The following HEATR5B variants were observed in gnomAD, a reference collection of about 807,000 sequenced individuals.
HEATR5B encodes HEAT repeat containing 5B.
In HEATR5B, 156 loss-of-function variants were observed where a neutral mutation model predicts 224.1. The ratio of observed to expected loss-of-function variants is 0.70; its 90% CI spans 0.61 to 0.80. The LOEUF (loss-of-function observed/expected upper bound fraction) is 0.80, where lower values mean the gene tolerates loss of function less well. HEATR5B is among the 30% of genes least tolerant of loss of function. The pLI is 0.00. For missense variants in HEATR5B, 2,323 were observed against 2,535.5 expected (o/e 0.92, Z 1.80); for synonymous variants, 1,027 against 893.0 (o/e 1.15, Z -2.68).
At chr2:37,009,275 A>G (rs1572792860) in intron 27 of HEATR5B, among the ~76,000 whole-genome samples, 1 of 151,160 alleles carries the variant, frequency 6.6e-6, no homozygotes, top group African/African-American at 2.4e-5. Flanking sequence ...AAAAAAAAAA[A>G]AAAAAGAAGA....
chr2:37,021,823 G>GC (rs1668476336), intron 24 of HEATR5B, among the ~76,000 whole-genome samples: 1 of 151,208 alleles, frequency 6.6e-6, no homozygotes, highest in African/African-American at 2.4e-5. Context: ...GGAGGTCAAG[G>GC]CTGCAGTGAG....
chr2:37,067,572 C>G (rs1671661356), intron 8 of HEATR5B, among the ~76,000 whole-genome samples: 1 of 152,084 alleles, frequency 6.6e-6, no homozygotes, highest in African/African-American at 2.4e-5. Context: ...AGTTTGAGAC[C>G]AGCCTGGCCA....
chr2:37,013,770 A>T (rs1460336783), intron 27 of HEATR5B, 71 bp downstream of exon 27: 2 of 1,347,678 alleles, frequency 1.5e-6, no homozygotes, highest in African/African-American at 2.9e-5. Flanking sequence ...TTTTACCAAC[A>T]AGAGTAGAGG....
At chr2:37,075,380 T>C in intron 5 of HEATR5B, 105 bp downstream of exon 5, 2 of 830,528 alleles carry the variant, frequency 2.4e-6, no homozygotes, top group South Asian at 2.2e-5. Flanking sequence ...AACTAATCCA[T>C]TGGAACACAA....
At chr2:37,056,341 A>C in intron 16 of HEATR5B, 99 bp downstream of exon 16, 3 of 760,748 alleles carry the variant, frequency 3.9e-6, no homozygotes, top group Non-Finnish European at 6.1e-6. Flanking sequence ...GTATTATAAT[A>C]ACTCACTTTA....
intron 35 of HEATR5B, 119 bp downstream of exon 35, chr2:36,988,526 CT>C (rs1666101095): frequency 2.6e-6 from 2 of 779,564 alleles, no homozygotes; most frequent in Non-Finnish European, 4.1e-6. Flanking sequence ...TCCCAGAGTG[CT>C]GGGACTCCCA....
intron 10 of HEATR5B, among the ~76,000 whole-genome samples, chr2:37,064,485 G>A (rs1671468873): frequency 6.6e-6 from 1 of 151,564 alleles, no homozygotes; most frequent in Non-Finnish European, 1.5e-5. Context: ...TGTTGCCTAG[G>A]CTGTTTTTTT....
In HEATR5B at chr2:37,072,114, T is replaced by G. The variant is rs1446993034; in HGVS notation, c.765A>C (p.Ala255=). The change falls in exon 6 of 36, where the codon GCA becomes GCC. Residue 255 remains alanine (A), a synonymous_variant. Transcript: ENST00000233099. ...VMATALMPKQ[A]TVMRQNVKRA... is the part of the protein sequence containing the mutation. ...ATCAAGGGCAAACAACAATACCTGT[T>G]GCCTGTTTTGGCATTAATGCTGTGG... 6.2e-7 allele frequency: 1 copy of G among 1,612,246 alleles called. No homozygotes were observed.
At chr2:37,009,780 CT>C (rs1333708477) in intron 27 of HEATR5B, among the ~76,000 whole-genome samples, 1,413 of 132,992 alleles carry the variant, frequency 0.011, 14 homozygotes, top group Middle Eastern at 0.04. Context: ...CCCGCCTCCA[CT>C]TTTTTTTTTT....
At position 36,988,685 on chromosome 2, in the gene HEATR5B, CT is replaced by C; in HGVS notation, c.5871del (p.Val1958PhefsTer21). Reference protein sequence around the residue: ...IELLAVQEGIKVLETLVALGE... With the variant: ...IELLAVQEGIXVLETLVALGE... The stretch of plus-strand genomic sequence containing the variant: ...CCAAGAGCAACCAGTGTTTCAAGAA[CT>C]TTTATTCCTTCTTGAACCGCTAAAA... On this transcript the variant is annotated frameshift_variant, in exon 35 of 36. Transcript: ENST00000233099. LOFTEE classifies it high-confidence loss of function. 6.2e-7 allele frequency: 1 copy of C among 1,614,046 alleles called. No homozygotes were observed. Among genetic ancestry groups the C allele is most frequent in the Middle Eastern group, 1.7e-4 (1 of 6,060 alleles).
chr2:37,058,560 G>A lies in HEATR5B; in HGVS notation c.1950C>T (p.His650=). The change falls in exon 14 of 36, where the codon CAC becomes CAT. Residue 650 remains histidine, a splice_region_variant and synonymous_variant. Transcript: ENST00000233099. ...CATGGGCTTTCATTACAGATGGAAT[G>A]CTAAAATATCAAAAACATAGTTGGT... ...PIECAMTMMS[H]IPSVMKAHGA... 3.1e-6 allele frequency: 5 copies of A among 1,594,272 alleles called. No individual in the cohort carries two copies. The highest frequency in any genetic ancestry group is 4.3e-6 in the Non-Finnish European group (5 of 1,162,350).
chr2:37,026,570 A>G (rs1346681986), intron 24 of HEATR5B, among the ~76,000 whole-genome samples: 1 of 152,228 alleles, frequency 6.6e-6, no homozygotes, highest in Non-Finnish European at 1.5e-5. Context: ...GGGACACGCC[A>G]TAACTATTTG....
At chr2:37,035,757 C>T (rs200390042) in intron 21 of HEATR5B, among the ~76,000 whole-genome samples, 2 of 152,164 alleles carry the variant, frequency 1.3e-5, no homozygotes, top group African/African-American at 2.4e-5. Context: ...TCTACTCCTA[C>T]GTCTCTGTTT....
chr2:37,019,508 G>C (rs1162505733), intron 26 of HEATR5B, among the ~76,000 whole-genome samples: 1 of 148,212 alleles, frequency 6.7e-6, no homozygotes, highest in Admixed American at 6.6e-5. Context: ...CCAGGCTGGA[G>C]TACAGTGGCG....
At chr2:37,070,476 T>C (rs1035264112) in intron 6 of HEATR5B, 89 bp from the exon 7 acceptor site, 6 of 970,612 alleles carry the variant, frequency 6.2e-6, no homozygotes, top group Non-Finnish European at 9.1e-6. Flanking sequence ...AAGGACACTT[T>C]ACTACAATGG....
At chr2:37,017,258 A>ATG (rs1490283717) in intron 26 of HEATR5B, among the ~76,000 whole-genome samples, 7 of 152,070 alleles carry the variant, frequency 4.6e-5, no homozygotes, top group Admixed American at 2.0e-4. Context: ...GGTGGCACAC[A>ATG]CCTGTAATCC....
rs952427420 is a variant in HEATR5B, at chr2:37,028,029, T to C, written c.3747A>G (p.Val1249=). 6.2e-7 allele frequency: 1 copy of C among 1,614,128 alleles called. No homozygotes were observed. Among genetic ancestry groups the C allele is most frequent in the African/African-American group, 1.3e-5 (1 of 75,026 alleles). Residue 1249 remains valine (V), a synonymous_variant, in exon 24 of 36, where the codon GTA becomes GTG. Transcript: ENST00000233099. ...PFVAPRWATR[V]FAADCLCRII... ...TTCGACACAGGCAATCGGCAGCAAA[T>C]ACTCGAGTGGCCCAGCGAGGGGCCA... is the stretch of plus-strand genomic sequence containing the variant.
intron 33 of HEATR5B, 94 bp downstream of exon 33, chr2:37,000,492 T>C: frequency 1.1e-6 from 1 of 896,248 alleles, no homozygotes; most frequent in Non-Finnish European, 1.8e-6. Flanking sequence ...GATTCATTGT[T>C]ATACAGCAGT....
chr2:37,003,056 C>T (rs555242593), intron 31 of HEATR5B, among the ~76,000 whole-genome samples: 6 of 151,820 alleles, frequency 4.0e-5, no homozygotes, highest in South Asian at 2.1e-4. Context: ...CTCAGGAGTT[C>T]GAGACCAGCC....
Sources: gnomAD v4.1 joint callset for allele counts (sites outside exome capture counted in the v4.1 genomes callset) on GRCh38, gnomAD v4.1.1 for gene constraint, MANE v1.5 for transcripts, NCBI Gene and HGNC (gene_info 2026-07-23, HGNC 2026-07-21) for gene names.